ASAH2: variants seen among roughly 807,000 people sequenced by gnomAD.
ASAH2 encodes the protein N-acylsphingosine amidohydrolase 2.
In ASAH2, 58 loss-of-function variants were observed where a neutral mutation model predicts 82.9. The observed-to-expected ratio is 0.70, with a 90% CI of 0.57 to 0.87. ASAH2 has a LOEUF of 0.87. ASAH2 is among the 40% of genes least tolerant of loss of function. The pLI, the probability that ASAH2 is intolerant of heterozygous loss-of-function variation, is 0.00. For synonymous variants in ASAH2, 276 were observed against 289.7 expected (o/e 0.95, Z 0.48); for missense variants, 779 against 834.0 (o/e 0.93, Z 0.81).
chr10:50,186,086 A>G lies in ASAH2; in HGVS notation c.*1229T>C, dbSNP rs2133188018. On this transcript the variant is annotated 3_prime_UTR_variant, in exon 21 of 21. Coordinates refer to ENST00000682911, the MANE Select transcript of ASAH2 (RefSeq NM_019893.4). ...ACAATGCCCAAAAATAACTTTCAAA[A>G]TAGTATTTAGCAAACTGTCTGGAGC... is the stretch of plus-strand genomic sequence containing the variant. 2 of 145,148 alleles carry G rather than the reference A, an allele frequency of 1.4e-5. No homozygotes were observed. The highest frequency in any genetic ancestry group is 2.2e-4 in the South Asian group (1 of 4,458). The allele number at this position is 145,148 out of a possible 1,614,324, so 9.0% of individuals were successfully genotyped here. A position where few individuals can be genotyped will look rare whatever the true frequency, so the allele number is the denominator to read the frequency against.
chr10:50,220,961 C>T (rs923546695), intron 7 of ASAH2, among the ~76,000 whole-genome samples: 2 of 150,722 alleles, frequency 1.3e-5, no homozygotes, highest in South Asian at 2.1e-4. Context: ...TGTAGGCATT[C>T]GAAAATTTCT....
chr10:50,209,555 A>G (rs890171318), intron 12 of ASAH2, among the ~76,000 whole-genome samples: 2 of 151,992 alleles, frequency 1.3e-5, no homozygotes, highest in African/African-American at 4.8e-5. Context: ...CACAATGTTG[A>G]CCAGGGTGGT....
chr10:50,243,410 G>A, intron 3 of ASAH2, 59 bp from the exon 4 acceptor site: 1 of 1,570,522 alleles, frequency 6.4e-7, no homozygotes, highest in Non-Finnish European at 8.7e-7. Flanking sequence ...CTAGAAACCA[G>A]GCACAAACAT....
chr10:50,238,725 AAGAACTGTGACATTAGGGCT>A (rs1449190800), intron 4 of ASAH2, among the ~76,000 whole-genome samples: 1 of 152,138 alleles, frequency 6.6e-6, no homozygotes, highest in Non-Finnish European at 1.5e-5. Flanking sequence ...TTTATTCCTA[AAGAACTGTGACATTAGGGCT>A]TTAGAATTAA....
intron 8 of ASAH2, among the ~76,000 whole-genome samples, chr10:50,217,838 A>T (rs1225325083): frequency 6.6e-6 from 1 of 152,124 alleles, no homozygotes. Flanking sequence ...AGTCTTCCAA[A>T]TTTGGGCCTG....
At chr10:50,203,556 T>C in intron 15 of ASAH2, 84 bp downstream of exon 15, 2 of 1,246,752 alleles carry the variant, frequency 1.6e-6, no homozygotes, top group Non-Finnish European at 2.4e-6. Context: ...TGTGGAACTC[T>C]AGATATAGGA....
chr10:50,198,692 G>T (rs1417509304), intron 17 of ASAH2, among the ~76,000 whole-genome samples: 1 of 151,958 alleles, frequency 6.6e-6, no homozygotes, highest in Non-Finnish European at 1.5e-5. Context: ...GGTGTAGTAA[G>T]CTTCATCACT....
chr10:50,243,150 T>C (rs924209670), intron 4 of ASAH2, 52 bp downstream of exon 4: 2 of 1,595,888 alleles, frequency 1.3e-6, no homozygotes, highest in Non-Finnish European at 1.7e-6. Flanking sequence ...TTCACCCACT[T>C]TTCCTTAAAC....
chr10:50,234,568 GA>G lies in ASAH2; in HGVS notation c.688-17del, dbSNP rs2133225289. The G allele has an allele frequency of 6.2e-7, 1 of 1,612,566 alleles. No individual in the cohort carries two copies. The highest frequency in any genetic ancestry group is 2.2e-5 in the East Asian group (1 of 44,850). The stretch of plus-strand genomic sequence containing the variant: ...TGTCAATGCTCTGAAGGTTAAAAAA[GA>G]GGGGGATGTTATAAGCTTAGAAATC... On this transcript the variant is annotated splice_polypyrimidine_tract_variant and intron_variant, in intron 5 of 20. Transcript: ENST00000682911.
At chr10:50,220,804 A>G (rs2133214639) in intron 7 of ASAH2, among the ~76,000 whole-genome samples, 1 of 142,600 alleles carries the variant, frequency 7.0e-6, no homozygotes, top group Non-Finnish European at 1.5e-5. Flanking sequence ...GAAGTATATA[A>G]TGTCCTGGTA....
chr10:50,240,021 T>C (rs1245207697), intron 4 of ASAH2, among the ~76,000 whole-genome samples: 1 of 151,880 alleles, frequency 6.6e-6, no homozygotes, highest in Non-Finnish European at 1.5e-5. Context: ...AGAGACAGGG[T>C]TTCACCATGT....
chr10:50,247,960 T>C (rs1188863620), intron 2 of ASAH2, among the ~76,000 whole-genome samples: 1 of 152,198 alleles, frequency 6.6e-6, no homozygotes, highest in South Asian at 2.1e-4. Context: ...CTGTAGGCCT[T>C]CTTCACAAGA....
At chr10:50,212,535 T>C (rs940181585) in intron 10 of ASAH2, among the ~76,000 whole-genome samples, 4 of 152,200 alleles carry the variant, frequency 2.6e-5, no homozygotes, top group Non-Finnish European at 4.4e-5. Flanking sequence ...TGGAGTTCTA[T>C]GGCTCAGCTT....
chr10:50,204,750 C>T, intron 14 of ASAH2, 111 bp downstream of exon 14: 2 of 857,364 alleles, frequency 2.3e-6, no homozygotes, highest in African/African-American at 1.7e-5. Flanking sequence ...CCAAACAGTA[C>T]AGTAGGATAC....
intron 10 of ASAH2, among the ~76,000 whole-genome samples, chr10:50,212,289 T>G (rs1845477407): frequency 1.3e-5 from 2 of 152,062 alleles, no homozygotes; most frequent in South Asian, 4.1e-4. Context: ...AGGTAATTTT[T>G]TTGTCTTTTT....
intron 7 of ASAH2, among the ~76,000 whole-genome samples, chr10:50,221,972 C>A (rs1051755933): frequency 2.0e-5 from 3 of 152,054 alleles, no homozygotes; most frequent in Admixed American, 1.3e-4. Context: ...CACTAGATAA[C>A]GAGTACTCCT....
At chr10:50,248,364 A>T in intron 2 of ASAH2, 120 bp downstream of exon 2, 1 of 1,243,374 alleles carries the variant, frequency 8.0e-7, no homozygotes, top group Non-Finnish European at 1.1e-6. Context: ...CGGCTATTCC[A>T]GGCTGCTTAA....
chr10:50,241,974 A>G (rs1351139283), intron 4 of ASAH2, among the ~76,000 whole-genome samples: 1 of 152,164 alleles, frequency 6.6e-6, no homozygotes. Context: ...ACCATGGCAC[A>G]TGTATAGCTA....
At chr10:50,207,033 A>C (rs1271653640) in intron 12 of ASAH2, among the ~76,000 whole-genome samples, 7 of 152,022 alleles carry the variant, frequency 4.6e-5, no homozygotes, top group Non-Finnish European at 8.8e-5. Context: ...AAAAATGGAG[A>C]AGCTTGCAAA....
Sources: allele counts gnomAD v4.1 joint callset (sites outside exome capture counted in the v4.1 genomes callset), GRCh38; gene constraint gnomAD v4.1.1; transcripts MANE v1.5; gene names NCBI Gene and HGNC (gene_info 2026-07-23, HGNC 2026-07-21).